Variants in CCDC191 observed in about 807,000 individuals in gnomAD.
The protein encoded by CCDC191 is coiled-coil domain-containing protein 191.
In CCDC191, 99 loss-of-function variants were observed where a neutral mutation model predicts 114.0. That is an observed-to-expected ratio of 0.87 (90% CI 0.74 to 1.03). The LOEUF is 1.03. CCDC191 is among the 50% of genes least tolerant of loss of function. The pLI, the probability that CCDC191 is intolerant of heterozygous loss-of-function variation, is 0.00. For missense variants in CCDC191, 973 were observed against 1,087.0 expected (o/e 0.90, Z 1.47); for synonymous variants, 351 against 376.0 (o/e 0.93, Z 0.77).
chr3:114,039,723 G>GA (rs1345099853), intron 4 of CCDC191, among the ~76,000 whole-genome samples: 2 of 147,594 alleles, frequency 1.4e-5, no homozygotes, highest in Non-Finnish European at 3.0e-5. Context: ...TTTTTAACAA[G>GA]AAAAAAAAAT....
intron 2 of CCDC191, among the ~76,000 whole-genome samples, chr3:114,050,593 G>T (rs529841127): frequency 5.9e-5 from 9 of 152,202 alleles, no homozygotes; most frequent in Non-Finnish European, 1.2e-4. Flanking sequence ...GAGAGGAGGA[G>T]TATTCCAGGC....
intron 16 of CCDC191, among the ~76,000 whole-genome samples, chr3:113,968,344 T>C (rs1400575911): frequency 6.6e-6 from 1 of 152,220 alleles, no homozygotes; most frequent in African/African-American, 2.4e-5. Flanking sequence ...TAAGATGATA[T>C]CGCATTGTGG....
chr3:114,010,837 A>G lies in CCDC191; in HGVS notation c.1348T>C (p.Leu450=). The G allele has an allele frequency of 6.2e-7, 1 of 1,614,016 alleles. No individual in the cohort carries two copies. Residue 450 remains leucine (L), a synonymous_variant, in exon 9 of 17, where the codon TTA becomes CTA. Coordinates refer to ENST00000295878, the MANE Select transcript of CCDC191 (RefSeq NM_020817.2). The stretch of plus-strand genomic sequence containing the variant: ...TCCTCAGGTAGACTGATGCCTGATA[A>G]CCCATTGGCACTGAGTTTCCCCAGT... The part of the protein sequence containing the change: ...ASLGKLSANG[L]SGISLPEEAT...
At chr3:114,044,128 T>G (rs1339684501) in intron 3 of CCDC191, among the ~76,000 whole-genome samples, 1 of 152,064 alleles carries the variant, frequency 6.6e-6, no homozygotes, top group East Asian at 1.9e-4. Flanking sequence ...GTGGAAGTTT[T>G]CAGCACGCAG....
chr3:114,041,311 T>C (rs2076556569), intron 4 of CCDC191, among the ~76,000 whole-genome samples: 1 of 152,216 alleles, frequency 6.6e-6, no homozygotes, highest in South Asian at 2.1e-4. Flanking sequence ...GTACTGGTGC[T>C]ATTTAATCTG....
chr3:114,001,169 A>G (rs906028333), intron 13 of CCDC191, among the ~76,000 whole-genome samples: 4 of 152,184 alleles, frequency 2.6e-5, no homozygotes, highest in African/African-American at 9.7e-5. Flanking sequence ...CTCATTAAAC[A>G]CATATCTGCT....
chr3:114,018,627 G>T, intron 8 of CCDC191, 51 bp downstream of exon 8: 3 of 1,410,778 alleles, frequency 2.1e-6, no homozygotes, highest in South Asian at 1.4e-5. Context: ...TCTTCAGGAG[G>T]GAAATATCCT....
chr3:114,033,834 A>G (rs2076442238), intron 6 of CCDC191, among the ~76,000 whole-genome samples: 1 of 152,220 alleles, frequency 6.6e-6, no homozygotes. Context: ...GAAGTAAAGC[A>G]CATGTCCACT....
chr3:113,982,784 C>G (rs1452951294), intron 13 of CCDC191, among the ~76,000 whole-genome samples: 1 of 151,482 alleles, frequency 6.6e-6, no homozygotes, highest in Non-Finnish European at 1.5e-5. Flanking sequence ...TCACGAATTT[C>G]TCCCTCACTA....
intron 13 of CCDC191, among the ~76,000 whole-genome samples, chr3:113,986,706 G>T (rs562741488): frequency 9.2e-5 from 14 of 152,248 alleles, no homozygotes; most frequent in Admixed American, 9.2e-4. Flanking sequence ...AGTAATGAAG[G>T]TTAAATGGGG....
At chr3:114,033,894 G>A (rs890723035) in intron 6 of CCDC191, among the ~76,000 whole-genome samples, 2 of 152,098 alleles carry the variant, frequency 1.3e-5, no homozygotes, top group African/African-American at 4.8e-5. Context: ...GAGCACAGGG[G>A]GGAAAGCTGT....
rs1461188182 is a variant in CCDC191, at chr3:113,978,770, GACCCTGGAC to G, written c.2460+79_2460+87del. The G allele has an allele frequency of 7.2e-6, 10 of 1,382,202 alleles. No homozygotes were observed. In the African/African-American group the frequency reaches 1.3e-4, roughly 18 times the overall value. 85.6% of individuals were successfully genotyped at this position (1,382,202 alleles called of 1,614,324 possible). Reference sequence around the variant, plus strand: ...TCTTTTGTTCTTGAAAAAACATAATGACCCTGGACATTCTGGATTTCATTTAGTTTTCTT... The same window carrying G: ...TCTTTTGTTCTTGAAAAAACATAATGATTCTGGATTTCATTTAGTTTTCTT... On this transcript the variant is annotated intron_variant, in intron 15 of 16. Coordinates refer to ENST00000295878, the MANE Select transcript of CCDC191 (RefSeq NM_020817.2).
intron 7 of CCDC191, among the ~76,000 whole-genome samples, chr3:114,027,416 A>C (rs2076336362): frequency 6.6e-6 from 1 of 151,710 alleles, no homozygotes; most frequent in South Asian, 2.1e-4. Flanking sequence ...GAGATTGAGA[A>C]CAGCCTGGCC....
intron 13 of CCDC191, among the ~76,000 whole-genome samples, chr3:113,992,038 T>C (rs1375169020): frequency 6.6e-6 from 1 of 152,204 alleles, no homozygotes; most frequent in African/African-American, 2.4e-5. Context: ...GATGGTGGAA[T>C]AGCAGCTTTC....
intron 13 of CCDC191, among the ~76,000 whole-genome samples, chr3:113,994,338 A>T (rs990051799): frequency 9.9e-5 from 15 of 152,194 alleles, no homozygotes; most frequent in African/African-American, 3.1e-4. Context: ...CACCACAATG[A>T]TATATTACTA....
At position 114,005,978 on chromosome 3, in the gene CCDC191, A is replaced by G. The variant is rs561826080; in HGVS notation, c.1414-16T>C. On this transcript the variant is annotated splice_polypyrimidine_tract_variant and intron_variant, in intron 9 of 16. Coordinates refer to ENST00000295878, the MANE Select transcript of CCDC191 (RefSeq NM_020817.2). ...CAGCAGTCTCCTGAGAGAGAGAAAC[A>G]TGTTATAGCTCAACTATTTAAAGGA... 7 of 1,597,576 alleles carry G rather than the reference A, an allele frequency of 4.4e-6. No homozygotes were observed. Among genetic ancestry groups the G allele is most frequent in the Non-Finnish European group, 6.0e-6 (7 of 1,165,592 alleles).
rs1939993780 is a variant in CCDC191, at chr3:113,965,220, A to G, written c.2746T>C (p.Tyr916His). 3 of 1,611,830 alleles carry G rather than the reference A, an allele frequency of 1.9e-6. No individual in the cohort carries two copies. The highest frequency in any genetic ancestry group is 2.7e-5 in the African/African-American group (2 of 74,906). The change falls in exon 17 of 17, where the codon TAC (tyrosine) becomes CAC (histidine). Residue 916 changes from tyrosine (Y) to histidine (H), a missense_variant. By Grantham distance (83) the Tyr-to-His change is moderately conservative. Coordinates refer to ENST00000295878, the MANE Select transcript of CCDC191 (RefSeq NM_020817.2). The part of the protein sequence containing the change: ...ILPDFQVPGR[Y>H]HELYQQSDTW... ...TCTGATTGCTGATATAGCTCGTGGT[A>G]CCTTCCAGGTACCTGGAAGTCTGGA...
At chr3:113,970,533 T>A (rs1940693846) in intron 16 of CCDC191, among the ~76,000 whole-genome samples, 1 of 152,162 alleles carries the variant, frequency 6.6e-6, no homozygotes, top group Non-Finnish European at 1.5e-5. Context: ...ATAAAAGTGC[T>A]GAAAGTGGGC....
chr3:113,983,013 T>C (rs1044141083), intron 13 of CCDC191, among the ~76,000 whole-genome samples: 1 of 152,076 alleles, frequency 6.6e-6, no homozygotes, highest in Non-Finnish European at 1.5e-5. Context: ...ACCTATTCTC[T>C]CCTCAGCCCA....
Sources: allele counts gnomAD v4.1 joint callset (sites outside exome capture counted in the v4.1 genomes callset), GRCh38; gene constraint gnomAD v4.1.1; transcripts MANE v1.5; gene names NCBI Gene and HGNC (gene_info 2026-07-23, HGNC 2026-07-21).